Variants in ARHGAP6 observed in about 807,000 individuals in gnomAD.
ARHGAP6 encodes the protein Rho GTPase activating protein 6, also known as rho GTPase-activating protein 6.
A neutral mutation model predicts 55.7 loss-of-function variants in ARHGAP6; 16 were observed. The ratio of observed to expected loss-of-function variants is 0.29; its 90% CI spans 0.19 to 0.44. ARHGAP6 has a LOEUF of 0.44. ARHGAP6 is among the 20% of genes least tolerant of loss of function. The pLI is 1.00. For synonymous variants in ARHGAP6, 382 were observed against 360.9 expected, an observed-to-expected ratio of 1.06 and a Z score of -0.66; for missense variants, 698 against 808.9, an observed-to-expected ratio of 0.86 and a Z score of 1.66.
At chrX:11,367,594 A>G (rs1044003678) in intron 1 of ARHGAP6, among the ~76,000 whole-genome samples, 1 of 112,639 alleles carries the variant, frequency 8.9e-6, no homozygotes, top group African/African-American at 3.2e-5. Flanking sequence ...TTAACCTCAC[A>G]AAGTATTATA....
intron 2 of ARHGAP6, among the ~76,000 whole-genome samples, chrX:11,213,125 T>C (rs2046830205): frequency 8.9e-6 from 1 of 112,655 alleles, no homozygotes; most frequent in African/African-American, 3.2e-5. Context: ...AATCCTGTCC[T>C]GAGGAATGAA....
intron 1 of ARHGAP6, among the ~76,000 whole-genome samples, chrX:11,518,707 A>T (rs1331927353): frequency 8.8e-5 from 9 of 102,673 alleles, no homozygotes; most frequent in African/African-American, 2.5e-4. Flanking sequence ...ATATGTATAC[A>T]TGTGCCATGC....
intron 2 of ARHGAP6, among the ~76,000 whole-genome samples, chrX:11,220,056 G>A (rs1364184780): frequency 3.8e-5 from 4 of 104,635 alleles, no homozygotes; most frequent in Non-Finnish European, 7.8e-5. Context: ...ATCTTGAATT[G>A]ATTTTTGTAT....
intron 1 of ARHGAP6, among the ~76,000 whole-genome samples, chrX:11,419,942 C>T (rs1665998581): frequency 8.9e-6 from 1 of 112,224 alleles, no homozygotes; most frequent in Non-Finnish European, 1.9e-5. Context: ...CCCAAACACT[C>T]AAATTTTACT....
At chrX:11,334,135 C>T (rs1224392820) in intron 1 of ARHGAP6, 2 of 112,239 alleles carry the variant, frequency 1.8e-5, no homozygotes, top group African/African-American at 6.6e-5. Flanking sequence ...AAGATCTACT[C>T]ACCACCATCT....
chrX:11,378,086 T>C (rs981348542), intron 1 of ARHGAP6, among the ~76,000 whole-genome samples: 2 of 111,820 alleles, frequency 1.8e-5, no homozygotes, highest in Non-Finnish European at 3.8e-5. Context: ...CTGCGTATAG[T>C]GTCATCTGAG....
chrX:11,245,495 C>A (rs1414345525), intron 2 of ARHGAP6, among the ~76,000 whole-genome samples: 2 of 111,595 alleles, frequency 1.8e-5, no homozygotes, highest in African/African-American at 3.3e-5. Context: ...TTATCAAGGC[C>A]CTGAGAGCCA....
At chrX:11,440,104 G>A (rs776576729) in intron 1 of ARHGAP6, among the ~76,000 whole-genome samples, 1 of 112,238 alleles carries the variant, frequency 8.9e-6, no homozygotes, top group Admixed American at 9.5e-5. Flanking sequence ...TCTGAGATCA[G>A]AAAAGCAAAG....
chrX:11,639,206 C>T (rs1367934239), intron 1 of ARHGAP6, among the ~76,000 whole-genome samples: 1 of 109,190 alleles, frequency 9.2e-6, no homozygotes, highest in Non-Finnish European at 1.9e-5. Context: ...AATTATTTTA[C>T]AATTATGCCT....
chrX:11,243,616 A>G (rs2047314239), intron 2 of ARHGAP6, among the ~76,000 whole-genome samples: 1 of 112,237 alleles, frequency 8.9e-6, no homozygotes, highest in Admixed American at 9.4e-5. Context: ...AATGCCACCA[A>G]AGGAACTCAT....
At chrX:11,597,556 C>A (rs756225018) in intron 1 of ARHGAP6, among the ~76,000 whole-genome samples, 7 of 111,729 alleles carry the variant, frequency 6.3e-5, no homozygotes, top group Non-Finnish European at 1.3e-4. Flanking sequence ...CTTTGAATCC[C>A]CATGGGAGAA....
intron 8 of ARHGAP6, among the ~76,000 whole-genome samples, chrX:11,170,938 C>T (rs1348035856): frequency 3.6e-5 from 4 of 110,899 alleles, no homozygotes; most frequent in South Asian, 3.9e-4. Context: ...AGAGGGTCAT[C>T]GAGATGTGAC....
chrX:11,494,736 C>T (rs932267632), intron 1 of ARHGAP6, among the ~76,000 whole-genome samples: 1 of 111,850 alleles, frequency 8.9e-6, no homozygotes, highest in Non-Finnish European at 1.9e-5. Flanking sequence ...GTCACAGGTC[C>T]TGCTCTGATT....
chrX:11,202,673 T>C (rs1223746629), intron 2 of ARHGAP6, among the ~76,000 whole-genome samples: 1 of 106,443 alleles, frequency 9.4e-6, no homozygotes. Flanking sequence ...CTGGGTGTGA[T>C]TGTGGGCGCC....
chrX:11,308,024 T>A (rs1245683556), intron 1 of ARHGAP6, among the ~76,000 whole-genome samples: 1 of 112,662 alleles, frequency 8.9e-6, no homozygotes, highest in Non-Finnish European at 1.9e-5. Flanking sequence ...TTCGTATATA[T>A]TTTAATTACT....
intron 1 of ARHGAP6, among the ~76,000 whole-genome samples, chrX:11,660,555 A>C (rs867129547): frequency 0.023 from 1,731 of 75,192 alleles, 74 homozygotes; most frequent in African/African-American, 0.066. Context: ...AAAAAAAAAA[A>C]AAAAAAAAAA....
chrX:11,612,473 C>T (rs143334384), intron 1 of ARHGAP6, among the ~76,000 whole-genome samples: 9 of 111,519 alleles, frequency 8.1e-5, no homozygotes, highest in East Asian at 2.8e-4. Flanking sequence ...ACCCAGTCCC[C>T]GATGTGGTGG....
intron 9 of ARHGAP6, among the ~76,000 whole-genome samples, chrX:11,163,750 C>T (rs374084742): frequency 1.1e-4 from 12 of 111,836 alleles, no homozygotes; most frequent in African/African-American, 3.9e-4. Context: ...GCATTAAATT[C>T]GGCAAATATT....
intron 1 of ARHGAP6, among the ~76,000 whole-genome samples, chrX:11,357,783 G>C (rs985326483): frequency 1.8e-5 from 2 of 111,650 alleles, no homozygotes; most frequent in Non-Finnish European, 3.8e-5. Flanking sequence ...GGGATATAGC[G>C]ATTTACTTAA....
Sources: gnomAD v4.1 joint callset for allele counts (sites outside exome capture counted in the v4.1 genomes callset) on GRCh38, gnomAD v4.1.1 for gene constraint, MANE v1.5 for transcripts, NCBI Gene and HGNC (gene_info 2026-07-23, HGNC 2026-07-21) for gene names.